Variants in METTL25 observed in about 807,000 individuals in gnomAD.
The protein encoded by METTL25 is methyltransferase like 25, also known as probable methyltransferase-like protein 25.
METTL25 carries 64 observed loss-of-function variants against 71.6 expected under a neutral mutation model. The observed-to-expected ratio is 0.89, with a 90% confidence interval of 0.73 to 1.10. METTL25 has a LOEUF of 1.10. METTL25 is among the 50% of genes least tolerant of loss of function. The pLI, the probability that METTL25 is intolerant of heterozygous loss-of-function variation, is 0.00. For synonymous variants in METTL25, 287 were observed against 250.3 expected, an observed-to-expected ratio of 1.15 and a Z score of -1.38; for missense variants, 807 against 707.0, an observed-to-expected ratio of 1.14 and a Z score of -1.60.
chr12:82,434,953 C>A (rs1396887520), intron 7 of METTL25, among the ~76,000 whole-genome samples: 1 of 151,456 alleles, frequency 6.6e-6, no homozygotes. Flanking sequence ...CTACTCATTT[C>A]TTTGTATTAT....
At chr12:82,414,582 G>A (rs1341355120) in intron 5 of METTL25, among the ~76,000 whole-genome samples, 2 of 152,120 alleles carry the variant, frequency 1.3e-5, no homozygotes, top group Admixed American at 6.6e-5. Context: ...AGCCAATAAT[G>A]TGTTTAAATC....
At chr12:82,388,127 A>G (rs923939191) in intron 2 of METTL25, among the ~76,000 whole-genome samples, 1 of 151,980 alleles carries the variant, frequency 6.6e-6, no homozygotes, top group Non-Finnish European at 1.5e-5. Context: ...GATTCAGGTT[A>G]TGCATTTTTG....
At chr12:82,361,790 C>G (rs915653955) in intron 1 of METTL25, among the ~76,000 whole-genome samples, 1 of 152,180 alleles carries the variant, frequency 6.6e-6, no homozygotes, top group East Asian at 1.9e-4. Flanking sequence ...GGTTCCCACC[C>G]GTGCCTCTCC....
chr12:82,377,493 T>G (rs1883994326), intron 1 of METTL25, among the ~76,000 whole-genome samples: 1 of 152,172 alleles, frequency 6.6e-6, no homozygotes. Context: ...ATTAAAATTG[T>G]GAAGAATGAA....
At chr12:82,421,835 A>G (rs1005170186) in intron 5 of METTL25, among the ~76,000 whole-genome samples, 1 of 152,178 alleles carries the variant, frequency 6.6e-6, no homozygotes, top group African/African-American at 2.4e-5. Flanking sequence ...CACCCTCCCA[A>G]GACTAAACCA....
chr12:82,390,486 A>T (rs1410881691), intron 3 of METTL25, among the ~76,000 whole-genome samples: 3 of 152,112 alleles, frequency 2.0e-5, no homozygotes, highest in African/African-American at 7.2e-5. Flanking sequence ...GGCCTATAAA[A>T]ATAGTAAGTT....
In METTL25 at chr12:82,434,588, A is replaced by G; in HGVS notation, c.1375-107A>G. On this transcript the variant is annotated intron_variant, in intron 6 of 11. Coordinates refer to ENST00000248306, the MANE Select transcript of METTL25 (RefSeq NM_032230.3). Reference sequence around the variant, plus strand: ...AGTGCATAAACTTACATATTATCACATAATTAATCTTTCTAAATGTCAGTT... The same window carrying G: ...AGTGCATAAACTTACATATTATCACGTAATTAATCTTTCTAAATGTCAGTT... The G allele has an allele frequency of 1.3e-5, 11 of 864,254 alleles. No individual in the cohort carries two copies. The South Asian group carries it at 1.6e-4, about 13-fold the overall frequency. 53.5% of individuals were successfully genotyped at this position (864,254 alleles called of 1,614,324 possible). A position where few individuals can be genotyped will look rare whatever the true frequency, so the allele number is the denominator to read the frequency against.
At chr12:82,388,312 T>C (rs1320041431) in intron 2 of METTL25, among the ~76,000 whole-genome samples, 1 of 152,134 alleles carries the variant, frequency 6.6e-6, no homozygotes, top group Non-Finnish European at 1.5e-5. Context: ...ATTATTATTT[T>C]AATTTTTTAA....
chr12:82,477,396 A>G (rs956337149), intron 11 of METTL25, 44 bp downstream of exon 11: 6 of 1,036,590 alleles, frequency 5.8e-6, no homozygotes, highest in Non-Finnish European at 8.5e-6. Flanking sequence ...ATCTTATTAA[A>G]TACAGTAATA....
chr12:82,389,492 ATTATC>A (rs1308074547), intron 2 of METTL25, among the ~76,000 whole-genome samples: 1 of 151,866 alleles, frequency 6.6e-6, no homozygotes, highest in Non-Finnish European at 1.5e-5. Flanking sequence ...ATGTGTTGGA[ATTATC>A]TTCTTTCATT....
intron 6 of METTL25, among the ~76,000 whole-genome samples, chr12:82,431,872 A>T (rs967290429): frequency 2.0e-5 from 3 of 151,662 alleles, no homozygotes; most frequent in Non-Finnish European, 3.0e-5. Context: ...AAATCATCTA[A>T]CACAAAGCCT....
rs987368908 is a variant in METTL25 at position 82,435,651 on chromosome 12, G to A, written c.1404+927G>A. 2.0e-5 allele frequency among the ~76,000 whole-genome samples: 3 copies of A among 151,134 alleles called. No homozygotes were observed. The East Asian group carries it at 5.8e-4, about 29-fold the overall frequency. The stretch of plus-strand genomic sequence containing the variant: ...CCTGGACACATGTCATCATTTCTCT[G>A]TAGCTTAATTTCTTTATCTGTAAAA... On this transcript the variant is annotated intron_variant, in intron 7 of 11. Coordinates refer to ENST00000248306, the MANE Select transcript of METTL25 (RefSeq NM_032230.3).
chr12:82,471,926 G>A (rs533745372), intron 9 of METTL25, among the ~76,000 whole-genome samples: 1 of 152,206 alleles, frequency 6.6e-6, no homozygotes, highest in South Asian at 2.1e-4. Flanking sequence ...GTAAAAAATT[G>A]TCAATAACTG....
At chr12:82,402,891 C>T in intron 4 of METTL25, 92 bp from the exon 5 acceptor site, 1 of 922,924 alleles carries the variant, frequency 1.1e-6, no homozygotes, top group South Asian at 1.8e-5. Flanking sequence ...GCCTGGGCAA[C>T]ATTGCAAGAT....
chr12:82,413,539 T>A (rs189721675), intron 5 of METTL25, among the ~76,000 whole-genome samples: 11 of 152,158 alleles, frequency 7.2e-5, no homozygotes, highest in African/African-American at 2.6e-4. Flanking sequence ...GAAAAGTTGC[T>A]TTGACCGACT....
intron 9 of METTL25, among the ~76,000 whole-genome samples, chr12:82,473,109 C>T (rs1350491481): frequency 6.6e-6 from 1 of 152,036 alleles, no homozygotes; most frequent in Non-Finnish European, 1.5e-5. Context: ...TCATGAGTGT[C>T]TCGGTGGCCT....
At chr12:82,461,842 T>TTAGA (rs1891899979) in intron 9 of METTL25, among the ~76,000 whole-genome samples, 1 of 152,198 alleles carries the variant, frequency 6.6e-6, no homozygotes, top group Non-Finnish European at 1.5e-5. Context: ...GGTACTAAGA[T>TTAGA]GTATGCGATC....
At chr12:82,467,317 G>A (rs928448426) in intron 9 of METTL25, among the ~76,000 whole-genome samples, 1 of 151,938 alleles carries the variant, frequency 6.6e-6, no homozygotes, top group Admixed American at 6.6e-5. Context: ...GTGGTTTTCT[G>A]CAATGATAAA....
intron 9 of METTL25, 190 bp from the exon 10 acceptor site, chr12:82,476,454 A>C: frequency 1.9e-6 from 1 of 536,516 alleles, no homozygotes; most frequent in Non-Finnish European, 3.3e-6. Context: ...TGCATAACCT[A>C]TATCAGTGTA....
Sources: allele counts gnomAD v4.1 joint callset (sites outside exome capture counted in the v4.1 genomes callset), GRCh38; gene constraint gnomAD v4.1.1; transcripts MANE v1.5; gene names NCBI Gene and HGNC (gene_info 2026-07-23, HGNC 2026-07-21).